SPAG17: variants seen among roughly 807,000 people sequenced by gnomAD.
SPAG17 encodes sperm associated antigen 17.
Under a neutral mutation model 273.6 loss-of-function variants are expected in SPAG17, and 169 were observed. The ratio of observed to expected loss-of-function variants is 0.62; its 90% CI spans 0.55 to 0.70. SPAG17 has a LOEUF of 0.70. Ranked by LOEUF, SPAG17 falls within the 30% of genes least tolerant of loss-of-function variation. SPAG17 has a pLI of 0.00. For synonymous variants in SPAG17, 825 were observed against 873.2 expected, an observed-to-expected ratio of 0.94 and a Z score of 0.97; for missense variants, 2,557 against 2,627.8, an observed-to-expected ratio of 0.97 and a Z score of 0.59.
chr1:118,071,927 T>C (rs986592884), intron 17 of SPAG17, among the ~76,000 whole-genome samples: 1 of 151,764 alleles, frequency 6.6e-6, no homozygotes, highest in Non-Finnish European at 1.5e-5. Context: ...TTATAGAAAA[T>C]TTCCCAAAAT....
intron 43 of SPAG17, among the ~76,000 whole-genome samples, chr1:117,974,439 A>G (rs1654914078): frequency 6.6e-6 from 1 of 152,146 alleles, no homozygotes; most frequent in African/African-American, 2.4e-5. Context: ...GAACTGAATT[A>G]TACCCAGATC....
intron 4 of SPAG17, among the ~76,000 whole-genome samples, chr1:118,114,469 C>T (rs1558022981): frequency 6.6e-6 from 1 of 152,086 alleles, no homozygotes; most frequent in Non-Finnish European, 1.5e-5. Flanking sequence ...GGAGCATTTT[C>T]ACTTTTCTGT....
intron 6 of SPAG17, among the ~76,000 whole-genome samples, chr1:118,099,151 A>T (rs1359562157): frequency 6.6e-6 from 1 of 152,190 alleles, no homozygotes; most frequent in African/African-American, 2.4e-5. Flanking sequence ...GTCTAAGGCT[A>T]GGAAGATAGC....
chr1:118,054,120 T>C (rs761746659), intron 19 of SPAG17, 27 bp from the exon 20 acceptor site: 5 of 1,461,502 alleles, frequency 3.4e-6, no homozygotes, highest in Non-Finnish European at 4.8e-6. Context: ...TTAAACTTCT[T>C]AGTAACTCTT....
chr1:118,018,904 T>C (rs1193045982), intron 28 of SPAG17, among the ~76,000 whole-genome samples: 1 of 151,392 alleles, frequency 6.6e-6, no homozygotes, highest in East Asian at 1.9e-4. Context: ...GACTAAAACA[T>C]CTAAAGACAA....
chr1:118,182,294 G>A lies in SPAG17; in HGVS notation c.87+2777C>T, dbSNP rs369377024. On this transcript the variant is annotated intron_variant, in intron 1 of 48. Transcript: ENST00000336338. ...GCAGCTTCCAGGGGGTGAGGAGAGG[G>A]AAGGATGGGGAATTAATATTGTTTA... is the stretch of plus-strand genomic sequence containing the variant. Among the ~76,000 whole-genome samples the A allele has an allele frequency of 9.2e-5, 14 of 152,196 alleles. No homozygotes were observed. In the South Asian group the frequency reaches 2.9e-3, roughly 32 times the overall value.
intron 45 of SPAG17, 21 bp from the exon 46 acceptor site, chr1:117,970,137 A>C: frequency 6.2e-7 from 1 of 1,605,826 alleles, no homozygotes. Context: ...GAAAGATAAA[A>C]ATAAATTTAT....
At chr1:118,101,633 G>A (rs997737502) in intron 5 of SPAG17, 107 bp downstream of exon 5, 25 of 1,097,188 alleles carry the variant, frequency 2.3e-5, no homozygotes, top group South Asian at 9.3e-5. Flanking sequence ...GGGAATTGGC[G>A]TCAGGAAACT....
At chr1:117,994,352 C>T in intron 35 of SPAG17, 54 bp downstream of exon 35, 4 of 1,553,792 alleles carry the variant, frequency 2.6e-6, no homozygotes, top group Non-Finnish European at 3.5e-6. Flanking sequence ...TGGTCCATTG[C>T]CCTTGGATGG....
chr1:118,086,750 T>G lies in SPAG17; in HGVS notation c.1532A>C (p.Asn511Thr), dbSNP rs1487130884. Residue 511 changes from asparagine (N) to threonine (T), a missense_variant, in exon 12 of 49, where the codon AAT becomes ACT. By Grantham distance (65) the Asn-to-Thr change is moderately conservative. Coordinates refer to ENST00000336338, the MANE Select transcript of SPAG17 (RefSeq NM_206996.4). The part of the protein sequence containing the change: ...LHDIFLSEEE[N>T]ESKAVPKGPL... Reference sequence around the variant, plus strand: ...GCCTTTGGGCACTGCTTTGCTTTCATTTTCTTCTTCAGATAAAAATATGTC... The same window carrying G: ...GCCTTTGGGCACTGCTTTGCTTTCAGTTTCTTCTTCAGATAAAAATATGTC... 2 of 1,614,204 alleles carry G rather than the reference T, an allele frequency of 1.2e-6. No individual in the cohort carries two copies.
chr1:118,007,966 TA>T, intron 31 of SPAG17, 77 bp downstream of exon 31: 1 of 1,553,428 alleles, frequency 6.4e-7, no homozygotes, highest in East Asian at 2.3e-5. Context: ...CAGGCATTTT[TA>T]CTGCCCCAGA....
chr1:118,025,696 T>C (rs1571273685), intron 26 of SPAG17, among the ~76,000 whole-genome samples: 2 of 152,218 alleles, frequency 1.3e-5, no homozygotes, highest in Admixed American at 6.5e-5. Flanking sequence ...CTCATTATGT[T>C]GGCTAGGCGG....
At chr1:118,153,142 A>T (rs1298918347) in intron 1 of SPAG17, among the ~76,000 whole-genome samples, 2 of 152,214 alleles carry the variant, frequency 1.3e-5, no homozygotes, top group African/African-American at 4.8e-5. Flanking sequence ...TCTACTTATT[A>T]GTATTTGGTG....
chr1:118,038,867 C>T (rs948655913), intron 23 of SPAG17, among the ~76,000 whole-genome samples: 2 of 152,044 alleles, frequency 1.3e-5, no homozygotes, highest in Non-Finnish European at 2.9e-5. Flanking sequence ...TACATTTGTT[C>T]AAACCCTTAG....
chr1:118,081,028 T>G (rs538033781), intron 15 of SPAG17, 73 bp downstream of exon 15: 29 of 1,196,148 alleles, frequency 2.4e-5, no homozygotes, highest in Non-Finnish European at 1.3e-5. Context: ...CTTAAACATT[T>G]TTTGATTTAT....
intron 4 of SPAG17, among the ~76,000 whole-genome samples, chr1:118,113,347 T>C (rs930249872): frequency 6.6e-6 from 1 of 152,152 alleles, no homozygotes; most frequent in Non-Finnish European, 1.5e-5. Context: ...TTACATACTT[T>C]CTGCTTGTTT....
Position 118,066,852 on chromosome 1 carries a change from G to C in SPAG17, c.2433C>G (p.Tyr811Ter). The change falls in exon 18 of 49, where the codon TAC becomes TAG. Residue 811 changes from tyrosine (Y) to a stop codon, truncating the protein, a stop_gained. Transcript: ENST00000336338. LOFTEE classifies it high-confidence loss of function. Reference sequence around the variant, plus strand: ...AAAGTAAAGAGTTGTCTTGGGTGTGGTAGTAAGAATCAACACACCTATATT... The same window carrying C: ...AAAGTAAAGAGTTGTCTTGGGTGTGCTAGTAAGAATCAACACACCTATATT... ...HKQYRCVDSY[Y>*]HTQDNSLLLV... The C allele has an allele frequency of 6.2e-7, 1 of 1,613,628 alleles. No homozygotes were observed. The highest frequency in any genetic ancestry group is 8.5e-7 in the Non-Finnish European group (1 of 1,179,652).
At chr1:118,088,954 C>T (rs1245447806) in intron 10 of SPAG17, among the ~76,000 whole-genome samples, 1 of 152,156 alleles carries the variant, frequency 6.6e-6, no homozygotes, top group African/African-American at 2.4e-5. Context: ...TATTTAGTGT[C>T]TACTATGGGT....
chr1:118,053,679 A>G (rs1008439332), intron 20 of SPAG17, among the ~76,000 whole-genome samples: 17 of 152,110 alleles, frequency 1.1e-4, no homozygotes, highest in African/African-American at 4.1e-4. Flanking sequence ...ATAAAAATAT[A>G]TATGTATATC....
Sources: allele counts gnomAD v4.1 joint callset (sites outside exome capture counted in the v4.1 genomes callset), GRCh38; gene constraint gnomAD v4.1.1; transcripts MANE v1.5; gene names NCBI Gene and HGNC (gene_info 2026-07-23, HGNC 2026-07-21).